Variants in EYS observed in about 807,000 individuals in gnomAD.
EYS encodes the protein EGF-like photoreceptor maintenance factor, also known as protein eyes shut homolog.
Under a neutral mutation model 282.1 loss-of-function variants are expected in EYS, and 250 were observed. The ratio of observed to expected loss-of-function variants is 0.89; its 90% CI spans 0.80 to 0.98. EYS has a LOEUF of 0.98. Among genes scored for constraint, EYS ranks in the 50% least tolerant of loss-of-function variants. EYS has a pLI of 0.00. For missense variants in EYS, 4,016 were observed against 3,709.0 expected (o/e 1.08, Z -2.15); for synonymous variants, 1,355 against 1,282.9 (o/e 1.06, Z -1.20).
At chr6:63,864,133 C>T (rs772985064) in intron 36 of EYS, 53 bp downstream of exon 36, 84 of 1,387,426 alleles carry the variant, frequency 6.1e-5, no homozygotes, top group Non-Finnish European at 7.9e-5. Context: ...TGATTTCTAT[C>T]CTCTTCACCT....
chr6:65,456,045 G>GAGAA (rs146801266), intron 5 of EYS, among the ~76,000 whole-genome samples: 27,069 of 128,296 alleles, frequency 0.21, 3,086 homozygotes, highest in Middle Eastern at 0.33. Context: ...AAGAAAGAAA[G>GAGAA]AGAAAGAAAG....
chr6:64,214,590 TAC>T (rs1442584893), intron 31 of EYS, among the ~76,000 whole-genome samples: 2 of 152,088 alleles, frequency 1.3e-5, no homozygotes, highest in Non-Finnish European at 2.9e-5. Flanking sequence ...CCAGAGTATG[TAC>T]ACACTAAATA....
intron 11 of EYS, among the ~76,000 whole-genome samples, chr6:65,324,761 C>T (rs1238738787): frequency 2.6e-5 from 4 of 152,132 alleles, no homozygotes; most frequent in African/African-American, 7.2e-5. Flanking sequence ...TTTTAAAAAC[C>T]TTTCTGAGGT....
At chr6:64,908,719 A>C (rs970053190) in intron 16 of EYS, among the ~76,000 whole-genome samples, 1 of 152,066 alleles carries the variant, frequency 6.6e-6, no homozygotes, top group African/African-American at 2.4e-5. Context: ...CTCATCTTCT[A>C]CTGACTGAGT....
chr6:64,512,294 A>C (rs1777435244), intron 26 of EYS, among the ~76,000 whole-genome samples: 1 of 152,054 alleles, frequency 6.6e-6, no homozygotes, highest in Non-Finnish European at 1.5e-5. Context: ...GCAAAGCATC[A>C]CCAACAAATC....
chr6:64,757,108 A>T (rs1178267532), intron 22 of EYS, among the ~76,000 whole-genome samples: 3 of 152,170 alleles, frequency 2.0e-5, no homozygotes, highest in Non-Finnish European at 2.9e-5. Flanking sequence ...TGTCTTCAAT[A>T]TATTTTTCTA....
chr6:64,340,314 C>A (rs1771051367), intron 29 of EYS, among the ~76,000 whole-genome samples: 1 of 151,790 alleles, frequency 6.6e-6, no homozygotes, highest in Admixed American at 6.6e-5. Context: ...TACCTGACTT[C>A]AAACTGTATT....
chr6:64,451,566 T>G (rs530397341), intron 26 of EYS, among the ~76,000 whole-genome samples: 280 of 152,160 alleles, frequency 1.8e-3, no homozygotes, highest in Middle Eastern at 0.01. Flanking sequence ...AAAAAGAGAA[T>G]TTTAGACCAA....
intron 12 of EYS, among the ~76,000 whole-genome samples, chr6:65,218,324 A>C (rs1019933313): frequency 1.3e-5 from 2 of 152,130 alleles, no homozygotes; most frequent in Admixed American, 6.6e-5. Flanking sequence ...ACAGGAAAAA[A>C]AATTTAGTTA....
At chr6:63,872,480 T>TTG (rs1772835080) in intron 35 of EYS, among the ~76,000 whole-genome samples, 1 of 147,808 alleles carries the variant, frequency 6.8e-6, no homozygotes, top group African/African-American at 2.5e-5. Flanking sequence ...AAATATGGTT[T>TTG]TTTTTTTTTT....
intron 15 of EYS, among the ~76,000 whole-genome samples, chr6:64,916,050 C>T (rs1363803838): frequency 6.6e-6 from 1 of 152,032 alleles, no homozygotes; most frequent in Non-Finnish European, 1.5e-5. Context: ...GAAATAACAT[C>T]ACTGTAAATA....
At chr6:64,062,940 T>G (rs1279392621) in intron 33 of EYS, among the ~76,000 whole-genome samples, 1 of 152,144 alleles carries the variant, frequency 6.6e-6, no homozygotes, top group East Asian at 1.9e-4. Flanking sequence ...TCTATCCTGC[T>G]ACACTGAAGT....
chr6:64,724,074 T>G (rs1166375139), intron 22 of EYS, among the ~76,000 whole-genome samples: 1 of 152,168 alleles, frequency 6.6e-6, no homozygotes, highest in Non-Finnish European at 1.5e-5. Context: ...TGTTGTTTTT[T>G]TTTTTGTTGT....
At chr6:64,114,147 T>G (rs1429623197) in intron 31 of EYS, among the ~76,000 whole-genome samples, 1 of 152,276 alleles carries the variant, frequency 6.6e-6, no homozygotes, top group South Asian at 2.1e-4. Context: ...CCAGACAATA[T>G]TATGAGCTAG....
chr6:63,878,004 G>A (rs1303254713), intron 35 of EYS, among the ~76,000 whole-genome samples: 1 of 152,176 alleles, frequency 6.6e-6, no homozygotes, highest in African/African-American at 2.4e-5. Flanking sequence ...ATCCAGCTTT[G>A]TTCTATTGCT....
At chr6:63,796,535 GACTT>G (rs1027817326) in intron 37 of EYS, among the ~76,000 whole-genome samples, 4 of 152,142 alleles carry the variant, frequency 2.6e-5, no homozygotes, top group African/African-American at 7.2e-5. Context: ...TAGAAGGAAA[GACTT>G]AATAGTAAAG....
intron 36 of EYS, among the ~76,000 whole-genome samples, chr6:63,840,236 T>TTATTATTAC (rs771103032): frequency 1.5e-5 from 1 of 66,870 alleles, no homozygotes; most frequent in Admixed American, 1.8e-4. Context: ...ATTATTATTA[T>TTATTATTAC]TGTATTTTTA....
In EYS at chr6:65,018,412, GTC is replaced by G. The variant is rs536836397; in HGVS notation, c.2138-20711_2138-20710del. On this transcript the variant is annotated intron_variant, in intron 13 of 42. Transcript: ENST00000503581. ...TCTCTACCTTTATCTTCACATGAAG[GTC>G]TCTCTCAATATTTGTCTGTGTCTAA... 3.9e-5 allele frequency among the ~76,000 whole-genome samples: 6 copies of G among 152,194 alleles called. No individual in the cohort carries two copies. The South Asian group carries it at 1.2e-3, about 32-fold the overall frequency.
chr6:64,785,550 T>A (rs1161146395), intron 22 of EYS, among the ~76,000 whole-genome samples: 1 of 152,180 alleles, frequency 6.6e-6, no homozygotes, highest in African/African-American at 2.4e-5. Flanking sequence ...TATGCTTCCT[T>A]ATTCTCATGA....
Sources: gnomAD v4.1 joint callset for allele counts (sites outside exome capture counted in the v4.1 genomes callset) on GRCh38, gnomAD v4.1.1 for gene constraint, MANE v1.5 for transcripts, NCBI Gene and HGNC (gene_info 2026-07-23, HGNC 2026-07-21) for gene names.